The following CLK3 variants were observed in gnomAD, a reference collection of about 807,000 sequenced individuals.
The protein encoded by CLK3 is dual specificity protein kinase CLK3.
CLK3 carries 24 observed loss-of-function variants against 65.2 expected under a neutral mutation model. The ratio of observed to expected loss-of-function variants is 0.37; its 90% CI spans 0.27 to 0.52. The LOEUF is 0.52. CLK3 is among the 20% of genes least tolerant of loss of function. CLK3 has a pLI of 0.92. For synonymous variants in CLK3, 252 were observed against 240.8 expected (o/e 1.05, Z -0.43); for missense variants, 506 against 660.0 (o/e 0.77, Z 2.56).
intron 10 of CLK3, 72 bp from the exon 11 acceptor site, chr15:74,628,532 C>A: frequency 8.7e-7 from 1 of 1,146,834 alleles, no homozygotes; most frequent in Non-Finnish European, 1.3e-6. Flanking sequence ...GCCCATCTTT[C>A]TTGTTCCTTT....
At chr15:74,619,953 T>A (rs1179849731) in intron 2 of CLK3, 56 bp from the exon 3 acceptor site, 8 of 1,610,690 alleles carry the variant, frequency 5.0e-6, no homozygotes, top group Non-Finnish European at 6.8e-6. Flanking sequence ...CACAGGTCTC[T>A]TGCTTGCTAA....
intron 7 of CLK3, 45 bp downstream of exon 7, chr15:74,626,013 C>A: frequency 6.3e-7 from 1 of 1,595,538 alleles, no homozygotes; most frequent in Non-Finnish European, 8.6e-7. Flanking sequence ...CACATGCCTG[C>A]AGCCAAGTCA....
chr15:74,618,669 C>A (rs1160181451), intron 1 of CLK3, among the ~76,000 whole-genome samples: 1 of 152,202 alleles, frequency 6.6e-6, no homozygotes, highest in Non-Finnish European at 1.5e-5. Flanking sequence ...GGTCCTTACT[C>A]CCTTGAGTGG....
intron 2 of CLK3, among the ~76,000 whole-genome samples, chr15:74,619,746 A>G (rs1260414669): frequency 6.6e-6 from 1 of 152,146 alleles, no homozygotes; most frequent in East Asian, 1.9e-4. Context: ...CTGGAAGGGT[A>G]TAGAACCCTT....
chr15:74,625,077 G>A (rs2062133082), intron 6 of CLK3, 59 bp downstream of exon 6: 1 of 1,279,168 alleles, frequency 7.8e-7, no homozygotes, highest in African/African-American at 1.5e-5. Flanking sequence ...ACCCCCAGGG[G>A]CTTAGTAGTG....
chr15:74,615,468 C>T, upstream of CLK3: 1 of 1,314,820 alleles, frequency 7.6e-7, no homozygotes, highest in East Asian at 3.1e-5. Context: ...CCCGTCCTCT[C>T]CGCGCGCAGG....
In CLK3 at chr15:74,624,601, G is replaced by A. The variant is rs762605549; in HGVS notation, c.534-301G>A. 4.5e-6 allele frequency: 2 copies of A among 442,318 alleles called. No homozygotes were observed. Among genetic ancestry groups the A allele is most frequent in the Non-Finnish European group, 8.4e-6 (2 of 238,928 alleles). 27.4% of individuals were successfully genotyped at this position (442,318 alleles called of 1,614,324 possible). On this transcript the variant is annotated intron_variant, in intron 5 of 12. Coordinates refer to ENST00000395066, the MANE Select transcript of CLK3 (RefSeq NM_001130028.2). The surrounding 1 kb of genome is among the most constrained non-coding windows in gnomAD (Gnocchi z 4.2). ...TGTGTGAGCTCTTGGACTGGCACTG[G>A]TTAAGCAGGATTGGCCTCTACTCTC... is the stretch of plus-strand genomic sequence containing the variant.
chr15:74,620,751 C>T (rs1455381087), intron 3 of CLK3: 1 of 154,276 alleles, frequency 6.5e-6, no homozygotes, highest in Non-Finnish European at 1.4e-5. Flanking sequence ...TCAGCCAGCT[C>T]AGACTGGGAA....
At chr15:74,619,082 C>T (rs2062081424) in intron 1 of CLK3, 115 bp from the exon 2 acceptor site, 18 of 1,275,074 alleles carry the variant, frequency 1.4e-5, no homozygotes, top group Non-Finnish European at 1.8e-5. Context: ...TGGGAGGGGC[C>T]GCCTTCAAAC....
Position 74,621,965 on chromosome 15 carries a change from G to C in CLK3, c.370-155G>C. 1.4e-6 allele frequency: 1 copy of C among 706,360 alleles called. No individual in the cohort carries two copies. The allele number at this position is 706,360 out of a possible 1,614,324, so 43.8% of individuals were successfully genotyped here. On this transcript the variant is annotated intron_variant, in intron 3 of 12. Transcript: ENST00000395066. This position sits in a 1 kb window ranked among gnomAD's most constrained non-coding sequence, Gnocchi z 4.8. ...ATCCCTATCGTTATATATGCTGTGT[G>C]CCTTATGAAATGCTGGGATCTGGAA...
At chr15:74,623,735 T>C (rs931721597) in intron 5 of CLK3, 4 of 152,108 alleles carry the variant, frequency 2.6e-5, no homozygotes, top group Admixed American at 2.6e-4. Flanking sequence ...CTGGAGTCAC[T>C]AGGGGGCAGG....
chr15:74,620,241 A>T lies in CLK3; in HGVS notation c.369+16A>T, dbSNP rs1451441545. On this transcript the variant is annotated intron_variant, in intron 3 of 12. Coordinates refer to ENST00000395066, the MANE Select transcript of CLK3 (RefSeq NM_001130028.2). ...CGCCTCCTCGGTGAGTGGTAGCCAG[A>T]GTGTGCTGGCTGGGGCTTAAAGGCC... 5 of 1,613,412 alleles carry T rather than the reference A, an allele frequency of 3.1e-6. No homozygotes were observed. Among genetic ancestry groups the T allele is most frequent in the Admixed American group, 1.7e-5 (1 of 59,996 alleles).
chr15:74,628,693 C>T lies in CLK3; in HGVS notation c.1205+10C>T. The stretch of plus-strand genomic sequence containing the variant: ...TGATCCACCGTACCAGGTAAGGACC[C>T]CAGTAGCCCCCTCAGGGTTGGTATA... On this transcript the variant is annotated intron_variant, in intron 11 of 12. Coordinates refer to ENST00000395066, the MANE Select transcript of CLK3 (RefSeq NM_001130028.2). 1.9e-6 allele frequency: 3 copies of T among 1,605,824 alleles called. No individual in the cohort carries two copies. Among genetic ancestry groups the T allele is most frequent in the Non-Finnish European group, 2.6e-6 (3 of 1,175,462 alleles).
At chr15:74,615,062 G>A (rs1205326870), upstream of CLK3, 1 of 211,280 alleles carries the variant, frequency 4.7e-6, no homozygotes, top group African/African-American at 2.3e-5. Context: ...AGGTGTCAGG[G>A]ATTTTGGTGA....
rs769942112 is a variant in CLK3 at position 74,622,814 on chromosome 15, T to C, written c.533+254T>C. 6.6e-5 allele frequency among the ~76,000 whole-genome samples: 10 copies of C among 152,178 alleles called. No homozygotes were observed. Among genetic ancestry groups the C allele is most frequent in the Non-Finnish European group, 1.3e-4 (9 of 68,018 alleles). ...GTCAGTGAAAGGTTCTGCTCCAATC[T>C]CTTCACTTCTCCAGGGCTGTGGTGG... On this transcript the variant is annotated intron_variant, in intron 5 of 12. Transcript: ENST00000395066. The surrounding 1 kb of genome is among the most constrained non-coding windows in gnomAD (Gnocchi z 4.6).
rs200787328 is a variant in CLK3 at position 74,619,246 on chromosome 15, G to C, written c.50G>C (p.Ser17Thr). ...YRSPEPDPYL[S>T]YRWKRRRSYS... ...TCCCCTGAACCAGACCCGTACCTGA[G>C]CTACCGATGGAAGAGGAGGAGGTCC... Residue 17 changes from serine to threonine, a missense_variant, in exon 2 of 13, where the codon AGC (serine) becomes ACC (threonine). This residue lies in a region of CLK3 where 181 missense variants were observed against 159.4 expected (regional missense o/e 1.14). Coordinates refer to ENST00000395066, the MANE Select transcript of CLK3 (RefSeq NM_001130028.2). 11 of 1,614,206 alleles carry C rather than the reference G, an allele frequency of 6.8e-6. No individual in the cohort carries two copies. Among genetic ancestry groups the C allele is most frequent in the Middle Eastern group, 3.3e-4 (2 of 6,062 alleles).
At position 74,624,683 on chromosome 15, in the gene CLK3, G is replaced by A; in HGVS notation, c.534-219G>A. 1.7e-6 allele frequency: 1 copy of A among 587,728 alleles called. No homozygotes were observed. Among genetic ancestry groups the A allele is most frequent in the Non-Finnish European group, 3.1e-6 (1 of 327,168 alleles). 36.4% of individuals were successfully genotyped at this position (587,728 alleles called of 1,614,324 possible). ...GAACATAAAAGCCTAAGGATGGCAA[G>A]GATGCTAAGAGCATTAACTCACAGA... On this transcript the variant is annotated intron_variant, in intron 5 of 12. Coordinates refer to ENST00000395066, the MANE Select transcript of CLK3 (RefSeq NM_001130028.2). This position sits in a 1 kb window ranked among gnomAD's most constrained non-coding sequence, Gnocchi z 4.2.
chr15:74,622,547 T>G lies in CLK3; in HGVS notation c.520T>G (p.Leu174Val). 6.2e-7 allele frequency: 1 copy of G among 1,612,782 alleles called. No homozygotes were observed. The highest frequency in any genetic ancestry group is 1.1e-5 in the South Asian group (1 of 90,894). Reference protein sequence around the residue: ...EGTFGKVVECLDHARGKSQVA... With the variant: ...EGTFGKVVECVDHARGKSQVA... ...CACCTTTGGCAAGGTGGTGGAGTGC[T>G]TGGACCATGCCAGGTGAGCGAGCTG... is the stretch of plus-strand genomic sequence containing the variant. The change falls in exon 5 of 13, where the codon TTG becomes GTG. Residue 174 changes from leucine to valine, a missense_variant. Physicochemically the swap from Leu to Val is conservative, Grantham distance 32. Coordinates refer to ENST00000395066, the MANE Select transcript of CLK3 (RefSeq NM_001130028.2). This position sits in a 1 kb window ranked among gnomAD's most constrained non-coding sequence, Gnocchi z 4.6.
At position 74,619,259 on chromosome 15, in the gene CLK3, G is replaced by A. The variant is rs1239425555; in HGVS notation, c.63G>A (p.Lys21=). The stretch of plus-strand genomic sequence containing the variant: ...ACCCGTACCTGAGCTACCGATGGAA[G>A]AGGAGGAGGTCCTACAGTCGGGAAC... The part of the protein sequence containing the change: ...EPDPYLSYRW[K]RRRSYSREHE... Residue 21 remains lysine (K), a synonymous_variant, in exon 2 of 13, where the codon AAG becomes AAA. Coordinates refer to ENST00000395066, the MANE Select transcript of CLK3 (RefSeq NM_001130028.2). The A allele has an allele frequency of 8.1e-6, 13 of 1,614,072 alleles. No homozygotes were observed. The highest frequency in any genetic ancestry group is 5.9e-6 in the Non-Finnish European group (7 of 1,180,022).
Sources: gnomAD v4.1 joint callset for allele counts (sites outside exome capture counted in the v4.1 genomes callset) on GRCh38, gnomAD v4.1.1 for gene constraint, gnomAD v4.1.1 regional missense constraint, Gnocchi (gnomAD v3.1) non-coding constraint, MANE v1.5 for transcripts, NCBI Gene and HGNC (gene_info 2026-07-23, HGNC 2026-07-21) for gene names.